Variants in ABCA8 observed in about 807,000 individuals in gnomAD.
ABCA8 encodes ATP binding cassette subfamily A member 8, also known as ABC-type organic anion transporter ABCA8.
ABCA8 carries 177 observed loss-of-function variants against 192.3 expected under a neutral mutation model. The ratio of observed to expected loss-of-function variants is 0.92; its 90% confidence interval spans 0.81 to 1.04. The LOEUF (loss-of-function observed/expected upper bound fraction) is 1.04. Among genes scored for constraint, ABCA8 ranks in the 50% least tolerant of loss-of-function variants. ABCA8 has a pLI of 0.00. For missense variants in ABCA8, 1,915 were observed against 1,904.8 expected, an observed-to-expected ratio of 1.01 and a Z score of -0.10; for synonymous variants, 642 against 690.2, an observed-to-expected ratio of 0.93 and a Z score of 1.09.
At chr17:68,930,027 C>T (rs1387700903) in intron 7 of ABCA8, among the ~76,000 whole-genome samples, 5 of 151,460 alleles carry the variant, frequency 3.3e-5, no homozygotes, top group Non-Finnish European at 7.4e-5. Flanking sequence ...GATTTTGGAT[C>T]GAACATTTTA....
Position 68,875,278 on chromosome 17 carries a change from T to G in ABCA8, c.4613A>C (p.Gln1538Pro). 1 of 1,613,882 alleles carries G rather than the reference T, an allele frequency of 6.2e-7. No individual in the cohort carries two copies. Among genetic ancestry groups the G allele is most frequent in the South Asian group, 1.1e-5 (1 of 91,062 alleles). The change falls in exon 37 of 40, where the codon CAG (glutamine) becomes CCG (proline). Residue 1538 changes from glutamine to proline, a missense_variant. By Grantham distance (76) the Gln-to-Pro change is moderately conservative. Coordinates refer to ENST00000586539, the MANE Select transcript of ABCA8 (RefSeq NM_001288985.2). ...TGTTTACCTTTCCTGCCGAGCAGCC[T>G]GGGGGAAAAGCCTCAGGATCTCTGC... Reference protein sequence around the residue: ...LHAEILRLFPQAARQERYSSL... With the variant: ...LHAEILRLFPPAARQERYSSL...
At chr17:68,896,425 C>T (rs748908485) in intron 21 of ABCA8, among the ~76,000 whole-genome samples, 73 of 152,324 alleles carry the variant, frequency 4.8e-4, no homozygotes, top group South Asian at 1.0e-3. Context: ...TTTTAGTCCA[C>T]TGCATCTCTA....
At chr17:68,912,751 T>C (rs979603566) in intron 17 of ABCA8, among the ~76,000 whole-genome samples, 1 of 152,072 alleles carries the variant, frequency 6.6e-6, no homozygotes, top group Non-Finnish European at 1.5e-5. Flanking sequence ...GTAATGCAAA[T>C]GTTATTAAGG....
At chr17:68,953,471 A>G (rs1474345588) in intron 1 of ABCA8, among the ~76,000 whole-genome samples, 1 of 152,174 alleles carries the variant, frequency 6.6e-6, no homozygotes, top group African/African-American at 2.4e-5. Flanking sequence ...TAAGGTGTCC[A>G]GGGGTCAGTT....
intron 2 of ABCA8, 90 bp downstream of exon 2, chr17:68,949,222 A>T (rs1242415873): frequency 6.6e-6 from 1 of 152,210 alleles, no homozygotes; most frequent in East Asian, 1.9e-4. Context: ...CATGACACAT[A>T]CACCCTCCTA....
chr17:68,882,507 ATCC>A (rs2066360263), intron 30 of ABCA8, 89 bp downstream of exon 30: 3 of 1,175,428 alleles, frequency 2.6e-6, no homozygotes, highest in Non-Finnish European at 3.5e-6. Context: ...TAAAATAGTG[ATCC>A]TCATTTGTAA....
chr17:68,887,419 A>G lies in ABCA8; in HGVS notation c.3232T>C (p.Phe1078Leu), dbSNP rs1312257438. The G allele has an allele frequency of 6.2e-7, 1 of 1,613,736 alleles. No individual in the cohort carries two copies. Among genetic ancestry groups the G allele is most frequent in the Non-Finnish European group, 8.5e-7 (1 of 1,179,844 alleles). The change falls in exon 25 of 40, where the codon TTC becomes CTC. Residue 1078 changes from phenylalanine (F) to leucine (L), a missense_variant. Phe to Leu is a conservative substitution (Grantham distance 22). Coordinates refer to ENST00000586539, the MANE Select transcript of ABCA8 (RefSeq NM_001288985.2). ...AAATATATAAAAACGAAGACCAAGA[A>G]GTACAGGGAAACATCCACCAGCGCC... is the stretch of plus-strand genomic sequence containing the variant. ...GQALVDVSLY[F>L]LVFVFIYLMS...
At chr17:68,954,529 C>T (rs573099197) in intron 1 of ABCA8, among the ~76,000 whole-genome samples, 1 of 152,242 alleles carries the variant, frequency 6.6e-6, no homozygotes, top group African/African-American at 2.4e-5. Flanking sequence ...TGTAATGACT[C>T]ATTTTTATCC....
Position 68,927,234 on chromosome 17 carries a change from G to C in ABCA8, c.1273+682C>G, listed in dbSNP as rs565408544. On this transcript the variant is annotated intron_variant, in intron 10 of 39. Transcript: ENST00000586539. ...GATTGTGCCACTGCACTCCAGCCTG[G>C]ATGACAGAGTGAGAGTCTGTCTCAA... Among the ~76,000 whole-genome samples the C allele has an allele frequency of 1.2e-3, 178 of 152,150 alleles. 5 individuals are homozygous for C. The South Asian group carries it at 0.035, about 30-fold the overall frequency.
At chr17:68,887,881 CATATATATAT>C (rs1202636158) in intron 24 of ABCA8, among the ~76,000 whole-genome samples, 18 of 68,236 alleles carry the variant, frequency 2.6e-4, no homozygotes, top group African/African-American at 1.1e-3. Flanking sequence ...TTCTCTCCTC[CATATATATAT>C]ATATATATAT....
Position 68,881,201 on chromosome 17 carries a change from T to G in ABCA8, c.3957A>C (p.Leu1319Phe). The G allele has an allele frequency of 6.2e-7, 1 of 1,612,146 alleles. No individual in the cohort carries two copies. Among genetic ancestry groups the G allele is most frequent in the South Asian group, 1.1e-5 (1 of 91,012 alleles). The change falls in exon 32 of 40, where the codon TTA becomes TTC. Residue 1319 changes from leucine to phenylalanine, a missense_variant. By Grantham distance (22) the Leu-to-Phe change is conservative (BLOSUM62 0). Coordinates refer to ENST00000586539, the MANE Select transcript of ABCA8 (RefSeq NM_001288985.2). The stretch of plus-strand genomic sequence containing the variant: ...CAGCTCCATTGTGTCCTAATAATCC[T>G]AAAACTTCACCTGAAAAAAAGGTTA... ...VSFCVRKGEV[L>F]GLLGHNGAGK...
intron 24 of ABCA8, among the ~76,000 whole-genome samples, chr17:68,887,912 ATATATATATATAT>A (rs749492209): frequency 0.014 from 281 of 19,748 alleles, 10 homozygotes; most frequent in Admixed American, 0.043. Context: ...ATATATCCAT[ATATATATATATAT>A]TATATATGGA....
At chr17:68,930,378 T>C (rs966014682) in intron 7 of ABCA8, among the ~76,000 whole-genome samples, 2 of 152,360 alleles carry the variant, frequency 1.3e-5, no homozygotes, top group Non-Finnish European at 1.5e-5. Flanking sequence ...GTTCCGTTCA[T>C]TGTTTTTGTT....
At chr17:68,933,675 T>C (rs557244496) in intron 5 of ABCA8, among the ~76,000 whole-genome samples, 1 of 152,242 alleles carries the variant, frequency 6.6e-6, no homozygotes, top group Non-Finnish European at 1.5e-5. Context: ...TTTCTAACAC[T>C]GGATATAACA....
rs749397807 is a variant in ABCA8, at chr17:68,887,417, G to C, written c.3234C>G (p.Phe1078Leu). The change falls in exon 25 of 40, where the codon TTC (phenylalanine) becomes TTG (leucine). Residue 1078 changes from phenylalanine (F) to leucine (L), a missense_variant. Phe to Leu is a conservative substitution (Grantham distance 22). Coordinates refer to ENST00000586539, the MANE Select transcript of ABCA8 (RefSeq NM_001288985.2). ...GQALVDVSLY[F>L]LVFVFIYLMS... ...TTAAATATATAAAAACGAAGACCAA[G>C]AAGTACAGGGAAACATCCACCAGCG... 1 of 1,613,654 alleles carries C rather than the reference G, an allele frequency of 6.2e-7. No individual in the cohort carries two copies. The highest frequency in any genetic ancestry group is 1.1e-5 in the South Asian group (1 of 91,002).
At position 68,891,613 on chromosome 17, in the gene ABCA8, A is replaced by G. The variant is rs2066625755; in HGVS notation, c.3037-17T>C. On this transcript the variant is annotated splice_polypyrimidine_tract_variant and intron_variant, in intron 23 of 39. Coordinates refer to ENST00000586539, the MANE Select transcript of ABCA8 (RefSeq NM_001288985.2). ...CTGTCCATTCTGAAAAACCCAAAGAATACAATGAACTGAATGAAGAAATTT... is the reference window on the plus strand; with the variant it reads ...CTGTCCATTCTGAAAAACCCAAAGAGTACAATGAACTGAATGAAGAAATTT... 1 of 1,559,842 alleles carries G rather than the reference A, an allele frequency of 6.4e-7. No homozygotes were observed. The highest frequency in any genetic ancestry group is 1.1e-5 in the South Asian group (1 of 88,438).
At chr17:68,904,141 G>T (rs146356230) in intron 19 of ABCA8, among the ~76,000 whole-genome samples, 18 of 151,974 alleles carry the variant, frequency 1.2e-4, no homozygotes, top group African/African-American at 4.3e-4. Flanking sequence ...AATTAGCCGG[G>T]CGTGGTGGTG....
chr17:68,952,240 A>T (rs2068586299), intron 1 of ABCA8, among the ~76,000 whole-genome samples: 1 of 152,108 alleles, frequency 6.6e-6, no homozygotes, highest in South Asian at 2.1e-4. Context: ...TATTTTTGAG[A>T]TGGAGTCTCG....
chr17:68,877,193 T>A (rs1322532989), intron 33 of ABCA8: 1 of 192,612 alleles, frequency 5.2e-6, no homozygotes, highest in Admixed American at 5.9e-5. Flanking sequence ...GTATTTTTCT[T>A]TTTAATTTAG....
Sources: gnomAD v4.1 joint callset for allele counts (sites outside exome capture counted in the v4.1 genomes callset) on GRCh38, gnomAD v4.1.1 for gene constraint, MANE v1.5 for transcripts, NCBI Gene and HGNC (gene_info 2026-07-23, HGNC 2026-07-21) for gene names.